The following COBL variants were observed in gnomAD, a reference collection of about 807,000 sequenced individuals.
The protein encoded by COBL is protein cordon-bleu.
A neutral mutation model predicts 98.8 loss-of-function variants in COBL; 51 were observed. The observed-to-expected ratio is 0.52, with a 90% CI of 0.41 to 0.65. The LOEUF is 0.65. Ranked by LOEUF, COBL falls within the 30% of genes least tolerant of loss-of-function variation. COBL has a pLI of 0.00. For synonymous variants in COBL, 634 were observed against 651.7 expected, an observed-to-expected ratio of 0.97 and a Z score of 0.41; for missense variants, 1,617 against 1,617.5, an observed-to-expected ratio of 1.00 and a Z score of 0.01.
At chr7:51,296,834 C>G (rs1801458656) in intron 1 of COBL, among the ~76,000 whole-genome samples, 1 of 152,132 alleles carries the variant, frequency 6.6e-6, no homozygotes, top group Non-Finnish European at 1.5e-5. Context: ...AGAGGAAATT[C>G]TTGTACTGGA....
chr7:51,260,979 T>C (rs1375715266), intron 1 of COBL, among the ~76,000 whole-genome samples: 2 of 152,046 alleles, frequency 1.3e-5, no homozygotes, highest in Non-Finnish European at 2.9e-5. Flanking sequence ...TTTATAAACC[T>C]CCATACCCCT....
chr7:51,199,277 T>C (rs1418056756), intron 2 of COBL, among the ~76,000 whole-genome samples: 16 of 152,276 alleles, frequency 1.1e-4, no homozygotes, highest in Admixed American at 1.0e-3. Context: ...CAAACTCAGC[T>C]TGACTGAGAT....
chr7:51,138,700 A>C (rs927691366), intron 5 of COBL, among the ~76,000 whole-genome samples: 1 of 152,236 alleles, frequency 6.6e-6, no homozygotes, highest in Non-Finnish European at 1.5e-5. Context: ...GCACTCACAC[A>C]TGTGAACACA....
chr7:51,079,204 C>G (rs576518919), intron 7 of COBL, among the ~76,000 whole-genome samples: 2 of 152,228 alleles, frequency 1.3e-5, no homozygotes, highest in African/African-American at 4.8e-5. Context: ...CGAGAAGGTG[C>G]CAAGGCTGGA....
At chr7:51,139,380 C>T (rs1034835162) in intron 5 of COBL, among the ~76,000 whole-genome samples, 1 of 152,186 alleles carries the variant, frequency 6.6e-6, no homozygotes, top group Admixed American at 6.5e-5. Context: ...TGCACCCCAT[C>T]CCAGTCCTCC....
Position 51,025,307 on chromosome 7 carries a change from C to G in COBL, c.3570G>C (p.Ser1190=). 6.2e-7 allele frequency: 1 copy of G among 1,612,630 alleles called. No individual in the cohort carries two copies. Among genetic ancestry groups the G allele is most frequent in the Non-Finnish European group, 8.5e-7 (1 of 1,179,638 alleles). The change falls in exon 12 of 13, where the codon TCG becomes TCC. Residue 1190 remains serine, a synonymous_variant. Transcript: ENST00000265136. The stretch of plus-strand genomic sequence containing the variant: ...CAAGGTCTTCTAGCAGAGGACTTTC[C>G]GAGCCCTGAGCAGAGAGTGCGGCAT... ...FRDAALSAQG[S]ESPLLEDLGL... is the part of the protein sequence containing the mutation.
intron 1 of COBL, among the ~76,000 whole-genome samples, chr7:51,236,337 T>C (rs1795258186): frequency 6.6e-6 from 1 of 152,144 alleles, no homozygotes; most frequent in Non-Finnish European, 1.5e-5. Flanking sequence ...TTATGAACCA[T>C]TCAGAGGAAG....
intron 7 of COBL, among the ~76,000 whole-genome samples, chr7:51,069,294 T>C (rs1475473164): frequency 1.3e-5 from 2 of 152,262 alleles, no homozygotes; most frequent in African/African-American, 2.4e-5. Context: ...CTTCTCTTGT[T>C]GGAACAGCAA....
intron 1 of COBL, among the ~76,000 whole-genome samples, chr7:51,301,978 C>G (rs1165341241): frequency 6.6e-6 from 1 of 152,140 alleles, no homozygotes; most frequent in Non-Finnish European, 1.5e-5. Flanking sequence ...AGGCATGGCT[C>G]CTGAACAGTC....
intron 1 of COBL, among the ~76,000 whole-genome samples, chr7:51,280,183 C>T (rs1799689741): frequency 6.6e-6 from 1 of 151,224 alleles, no homozygotes; most frequent in Non-Finnish European, 1.5e-5. Context: ...TTTTTTTTTT[C>T]CCAATCCTGG....
chr7:51,067,594 G>C (rs917401881), intron 7 of COBL, among the ~76,000 whole-genome samples: 1 of 152,208 alleles, frequency 6.6e-6, no homozygotes. Flanking sequence ...TAGTCACACT[G>C]TAACAGAGGA....
chr7:51,019,596 T>C (rs1786719679), intron 12 of COBL, among the ~76,000 whole-genome samples: 2 of 152,118 alleles, frequency 1.3e-5, no homozygotes, highest in African/African-American at 4.8e-5. Context: ...GCCCTGAGGA[T>C]GGTCACTGTG....
intron 6 of COBL, among the ~76,000 whole-genome samples, chr7:51,109,443 G>T (rs1020519544): frequency 6.6e-6 from 1 of 152,030 alleles, no homozygotes; most frequent in East Asian, 1.9e-4. Context: ...CATCTCGCTC[G>T]CCACCTTCAC....
chr7:51,265,654 A>G (rs1377810134), intron 1 of COBL, among the ~76,000 whole-genome samples: 7 of 152,188 alleles, frequency 4.6e-5, no homozygotes, highest in African/African-American at 1.7e-4. Context: ...AGGTGCCCAG[A>G]GGGGAAGAAG....
chr7:51,248,734 G>A (rs1183284045), intron 1 of COBL, among the ~76,000 whole-genome samples: 1 of 151,958 alleles, frequency 6.6e-6, no homozygotes, highest in Non-Finnish European at 1.5e-5. Flanking sequence ...AAAAGAACTA[G>A]GAAATATATT....
At chr7:51,269,899 G>A (rs1798600642) in intron 1 of COBL, among the ~76,000 whole-genome samples, 1 of 152,156 alleles carries the variant, frequency 6.6e-6, no homozygotes, top group Non-Finnish European at 1.5e-5. Flanking sequence ...AGAAAATCCT[G>A]AGCCTGCTGG....
At position 51,017,374 on chromosome 7, in the gene COBL, C is replaced by CT. The variant is rs926944622; in HGVS notation, c.*176dup. 4.5e-6 allele frequency: 3 copies of CT among 660,202 alleles called. No individual in the cohort carries two copies. The highest frequency in any genetic ancestry group is 8.2e-6 in the Non-Finnish European group (3 of 366,520). 40.9% of individuals were successfully genotyped at this position (660,202 alleles called of 1,614,324 possible). On this transcript the variant is annotated 3_prime_UTR_variant, in exon 13 of 13. Transcript: ENST00000265136. ...CACGAGCTGCGCAGCGACACAGCATCTTCTCCTTTCCTTTCAAGCCGTTAT... is the reference window on the plus strand; with the variant it reads ...CACGAGCTGCGCAGCGACACAGCATCTTTCTCCTTTCCTTTCAAGCCGTTAT...
intron 7 of COBL, among the ~76,000 whole-genome samples, chr7:51,048,290 G>C (rs946217924): frequency 1.3e-5 from 2 of 151,884 alleles, no homozygotes; most frequent in Non-Finnish European, 2.9e-5. Context: ...AGTTCAGTTG[G>C]TTGCAACAGA....
chr7:51,300,347 G>T (rs562579485), intron 1 of COBL, among the ~76,000 whole-genome samples: 1 of 152,070 alleles, frequency 6.6e-6, no homozygotes. Flanking sequence ...TTTTAGTAGC[G>T]ATGGGGTTTC....
Sources: gnomAD v4.1 joint callset for allele counts (sites outside exome capture counted in the v4.1 genomes callset) on GRCh38, gnomAD v4.1.1 for gene constraint, MANE v1.5 for transcripts, NCBI Gene and HGNC (gene_info 2026-07-23, HGNC 2026-07-21) for gene names.